SIRPA: variants seen among roughly 807,000 people sequenced by gnomAD.
The protein encoded by SIRPA is signal regulatory protein alpha, also known as tyrosine-protein phosphatase non-receptor type substrate 1.
In SIRPA, 9 loss-of-function variants were observed where a neutral mutation model predicts 50.3. The ratio of observed to expected loss-of-function variants is 0.18; its 90% CI spans 0.11 to 0.31. The LOEUF is 0.31. SIRPA is among the 10% of genes least tolerant of loss of function. The probability of loss-of-function intolerance (pLI) is 1.00; values close to 1 mark genes in which losing one functional copy is unlikely to be tolerated. For missense variants in SIRPA, 474 were observed against 661.6 expected (o/e 0.72, Z 3.11); for synonymous variants, 265 against 284.1 (o/e 0.93, Z 0.68).
chr20:1,913,927 A>T (rs927417591), intron 1 of SIRPA, among the ~76,000 whole-genome samples: 2 of 151,932 alleles, frequency 1.3e-5, no homozygotes, highest in African/African-American at 4.8e-5. Context: ...TGTGTGCCCC[A>T]GTGTCTCTGA....
At chr20:1,911,304 T>C in intron 1 of SIRPA, among the ~76,000 whole-genome samples, 1 of 152,380 alleles carries the variant, frequency 6.6e-6, no homozygotes, top group Middle Eastern at 3.4e-3. Flanking sequence ...AGATTGTTTT[T>C]CTTCACTCAT....
intron 1 of SIRPA, among the ~76,000 whole-genome samples, chr20:1,899,358 G>T (rs1984026046): frequency 6.6e-6 from 1 of 152,120 alleles, no homozygotes; most frequent in Non-Finnish European, 1.5e-5. Flanking sequence ...AGCTTTGCTG[G>T]CTACTCAGCC....
chr20:1,915,108 G>T lies in SIRPA; in HGVS notation c.89G>T (p.Gly30Val). 1 of 1,598,238 alleles carries T rather than the reference G, an allele frequency of 6.3e-7. No individual in the cohort carries two copies. The highest frequency in any genetic ancestry group is 8.5e-7 in the Non-Finnish European group (1 of 1,169,888). The change falls in exon 2 of 8, where the codon GGT becomes GTT. Residue 30 changes from glycine (G) to valine (V), a missense_variant. Gly to Val is a moderately radical substitution (Grantham distance 109, BLOSUM62 -3). Transcript: ENST00000358771. The stretch of plus-strand genomic sequence containing the variant: ...TTGTGCTCCTTTCCAGGAGTGGCGG[G>T]TGAGGAGGAGCTGCAGGTGATTCAG... ...AASCAWSGVAGEEELQVIQPD... is the reference protein window; with the variant it reads ...AASCAWSGVAVEEELQVIQPD...
Position 1,895,457 on chromosome 20 carries a change from G to A in SIRPA, c.10G>A (p.Ala4Thr), listed in dbSNP as rs1356963795. 4 of 1,419,156 alleles carry A rather than the reference G, an allele frequency of 2.8e-6. No individual in the cohort carries two copies. The highest frequency in any genetic ancestry group is 3.2e-5 in the Admixed American group (1 of 31,292). 87.9% of individuals were successfully genotyped at this position (1,419,156 alleles called of 1,614,324 possible). Reference sequence around the variant, plus strand: ...TCCGCAGCCGCGGCCCATGGAGCCCGCCGGCCCGGCCCCCGGCCGCCTCGG... The same window carrying A: ...TCCGCAGCCGCGGCCCATGGAGCCCACCGGCCCGGCCCCCGGCCGCCTCGG... MEPAGPAPGRLGPL... is the reference protein window; with the variant it reads MEPTGPAPGRLGPL... Residue 4 changes from alanine to threonine, a missense_variant, in exon 1 of 8, where the codon GCC becomes ACC. Around this residue, in one of 4 missense-constraint regions of SIRPA, gnomAD observed 72 missense variants for 76.2 expected, o/e 0.94. Transcript: ENST00000358771.
At chr20:1,896,506 A>C in intron 1 of SIRPA, among the ~76,000 whole-genome samples, 2 of 151,876 alleles carry the variant, frequency 1.3e-5, no homozygotes, top group African/African-American at 2.4e-5. Flanking sequence ...GGAGAGAAAA[A>C]TGGGGATCTT....
rs1010587117 is a variant in SIRPA at position 1,933,404 on chromosome 20, C to A, written c.1227-1311C>A. Among the ~76,000 whole-genome samples, 5 of 150,458 alleles carry A rather than the reference C, an allele frequency of 3.3e-5. No individual in the cohort carries two copies. The highest frequency in any genetic ancestry group is 7.4e-5 in the Non-Finnish European group (5 of 67,440). ...GAAGTACATAACATCAAATGCCACC[C>A]CCCCCCCGAAATATCTGGTGGGCAG... On this transcript the variant is annotated intron_variant, in intron 6 of 7. Coordinates refer to ENST00000358771, the MANE Select transcript of SIRPA (RefSeq NM_001040023.2). The surrounding 1 kb of genome is among the most constrained non-coding windows in gnomAD (Gnocchi z 4.4).
At position 1,927,428 on chromosome 20, in the gene SIRPA, G is replaced by A. The variant is rs1266598629; in HGVS notation, c.1202-447G>A. Among the ~76,000 whole-genome samples the A allele has an allele frequency of 6.6e-6, 1 of 152,206 alleles. No homozygotes were observed. The highest frequency in any genetic ancestry group is 1.5e-5 in the Non-Finnish European group (1 of 68,036). ...AGAGAGAGGAAGTGACCCACCCGGGGTCACATGGTGAGTGAGTGGGTAGCA... is the reference window on the plus strand; with the variant it reads ...AGAGAGAGGAAGTGACCCACCCGGGATCACATGGTGAGTGAGTGGGTAGCA... On this transcript the variant is annotated intron_variant, in intron 5 of 7. Transcript: ENST00000358771. This position sits in a 1 kb window ranked among gnomAD's most constrained non-coding sequence, Gnocchi z 6.5.
intron 5 of SIRPA, among the ~76,000 whole-genome samples, chr20:1,926,243 C>G (rs890487191): frequency 6.6e-6 from 1 of 152,272 alleles, no homozygotes; most frequent in Non-Finnish European, 1.5e-5. Flanking sequence ...AGACGTCTAC[C>G]CAATGGGTTC....
intron 1 of SIRPA, among the ~76,000 whole-genome samples, chr20:1,902,881 G>A (rs758440193): frequency 7.2e-5 from 11 of 151,994 alleles, no homozygotes; most frequent in Admixed American, 2.6e-4. Flanking sequence ...GCATGGTGGC[G>A]TGCGCCTGGA....
At chr20:1,913,957 A>G (rs1289229215) in intron 1 of SIRPA, among the ~76,000 whole-genome samples, 2 of 152,068 alleles carry the variant, frequency 1.3e-5, no homozygotes, top group African/African-American at 2.4e-5. Flanking sequence ...AGGCTCCTGC[A>G]GCCAACCTCT....
chr20:1,919,266 G>A (rs1985499450), intron 2 of SIRPA, among the ~76,000 whole-genome samples: 1 of 152,228 alleles, frequency 6.6e-6, no homozygotes, highest in African/African-American at 2.4e-5. Flanking sequence ...AATTGGCCTG[G>A]CATGGGCCTA....
chr20:1,907,589 A>G (rs1272626341), intron 1 of SIRPA, among the ~76,000 whole-genome samples: 4 of 152,228 alleles, frequency 2.6e-5, no homozygotes, highest in Non-Finnish European at 5.9e-5. Context: ...CACCAGCTCC[A>G]GGAAGTCTTC....
intron 1 of SIRPA, among the ~76,000 whole-genome samples, chr20:1,906,781 C>T (rs1352797239): frequency 2.6e-5 from 4 of 151,976 alleles, no homozygotes; most frequent in Admixed American, 2.0e-4. Flanking sequence ...GGGAGGTCAG[C>T]GTGGAGGTTC....
intron 1 of SIRPA, among the ~76,000 whole-genome samples, chr20:1,900,187 G>A (rs1417398278): frequency 1.4e-5 from 2 of 145,638 alleles, no homozygotes; most frequent in Middle Eastern, 3.6e-3. Context: ...CGCAACCTCC[G>A]CCTCCTGGGT....
In SIRPA at chr20:1,938,944, C is replaced by G. The variant is rs1235129928; in HGVS notation, c.*1376C>G. The stretch of plus-strand genomic sequence containing the variant: ...CCCATCCCGGCTTTCTGAGCTGATC[C>G]TTGAAGAAGAAATCTTCCATTTCTG... On this transcript the variant is annotated 3_prime_UTR_variant, in exon 8 of 8. Coordinates refer to ENST00000358771, the MANE Select transcript of SIRPA (RefSeq NM_001040023.2). 1.3e-5 allele frequency: 2 copies of G among 152,764 alleles called. No individual in the cohort carries two copies. The highest frequency in any genetic ancestry group is 4.8e-5 in the African/African-American group (2 of 41,462). The allele number at this position is 152,764 out of a possible 1,614,324, so 9.5% of individuals were successfully genotyped here. A position where few individuals can be genotyped will look rare whatever the true frequency, so the allele number is the denominator to read the frequency against.
rs560922355 is a variant in SIRPA, at chr20:1,938,662, G to A, written c.*1094G>A. 1.3e-5 allele frequency: 2 copies of A among 152,822 alleles called. No homozygotes were observed. The highest frequency in any genetic ancestry group is 4.8e-5 in the African/African-American group (2 of 41,598). 9.5% of individuals were successfully genotyped at this position (152,822 alleles called of 1,614,324 possible). On this transcript the variant is annotated 3_prime_UTR_variant, in exon 8 of 8. Coordinates refer to ENST00000358771, the MANE Select transcript of SIRPA (RefSeq NM_001040023.2). ...TTCTGGCTGGGACTGACTTGGCCAT[G>A]TTCTCAGCTGAGCCACGCGGCTGGT...
At chr20:1,920,147 A>G (rs1049421674) in intron 2 of SIRPA, among the ~76,000 whole-genome samples, 3 of 152,102 alleles carry the variant, frequency 2.0e-5, no homozygotes, top group African/African-American at 7.2e-5. Context: ...ACAGAGATGG[A>G]GTGAGGATTA....
In SIRPA at chr20:1,915,467, G is replaced by A. The variant is rs188816054; in HGVS notation, c.436+12G>A. On this transcript the variant is annotated intron_variant, in intron 2 of 7. Transcript: ENST00000358771. The stretch of plus-strand genomic sequence containing the variant: ...GCTGTCTGTGCGCGGTGAGTACAGC[G>A]TGGGCCTCCTTTGCCTCTGGTTTGT... 1.1e-4 allele frequency: 177 copies of A among 1,612,256 alleles called. 1 individual carries two copies. In the East Asian group the frequency reaches 1.9e-3, roughly 17 times the overall value.
chr20:1,905,241 C>T (rs1358272138), intron 1 of SIRPA, among the ~76,000 whole-genome samples: 1 of 152,172 alleles, frequency 6.6e-6, no homozygotes, highest in Non-Finnish European at 1.5e-5. Context: ...GCCTTTATCT[C>T]AGCTGGGAAA....
Sources: allele counts gnomAD v4.1 joint callset (sites outside exome capture counted in the v4.1 genomes callset), GRCh38; gene constraint gnomAD v4.1.1; regional missense constraint gnomAD v4.1.1; non-coding constraint Gnocchi (gnomAD v3.1); transcripts MANE v1.5; gene names NCBI Gene and HGNC (gene_info 2026-07-23, HGNC 2026-07-21).